The following PCDHAC1 variants were observed in gnomAD, a reference collection of about 807,000 sequenced individuals.
The protein encoded by PCDHAC1 is protocadherin alpha subfamily C, 1.
A neutral mutation model predicts 60.0 loss-of-function variants in PCDHAC1; 42 were observed. That is an observed-to-expected ratio of 0.70 (90% CI 0.55 to 0.90). The LOEUF is 0.90. Ranked by LOEUF, PCDHAC1 falls within the 40% of genes least tolerant of loss-of-function variation. The pLI, the probability that PCDHAC1 is intolerant of heterozygous loss-of-function variation, is 0.00. For missense variants in PCDHAC1, 1,160 were observed against 1,222.3 expected (o/e 0.95, Z 0.76); for synonymous variants, 468 against 499.3 (o/e 0.94, Z 0.84).
chr5:140,968,694 G>A, intron 1 of PCDHAC1: 1 of 1,614,092 alleles, frequency 6.2e-7, no homozygotes, highest in Non-Finnish European at 8.5e-7. Flanking sequence ...GGAGAAATTA[G>A]GACTACCAGG....
intron 1 of PCDHAC1, among the ~76,000 whole-genome samples, chr5:140,955,431 AG>A (rs1273972601): frequency 1.3e-5 from 2 of 152,194 alleles, no homozygotes; most frequent in East Asian, 3.9e-4. Flanking sequence ...AGTTCTCATT[AG>A]GTCTGATGGT....
Position 140,928,717 on chromosome 5 carries a change from T to C in PCDHAC1, c.1825T>C (p.Phe609Leu). The change falls in exon 1 of 4, where the codon TTT (phenylalanine) becomes CTT (leucine). Residue 609 changes from phenylalanine (F) to leucine (L), a missense_variant. This residue lies in a region of PCDHAC1 where 1,113 missense variants were observed against 1,163.7 expected (regional missense o/e 0.96). Coordinates refer to ENST00000253807, the MANE Select transcript of PCDHAC1 (RefSeq NM_018898.5). ...HISRASDSSL[F>L]RISANIGELR... ...CTCCCGGGCGTCTGACTCTAGTCTC[T>C]TTAGAATTTCAGCCAATATAGGTGA... The C allele has an allele frequency of 6.2e-7, 1 of 1,614,208 alleles. No individual in the cohort carries two copies. Among genetic ancestry groups the C allele is most frequent in the Non-Finnish European group, 8.5e-7 (1 of 1,180,040 alleles).
At chr5:140,978,922 C>A (rs569091265) in intron 1 of PCDHAC1, 27 bp from the exon 2 acceptor site, 7 of 1,613,966 alleles carry the variant, frequency 4.3e-6, no homozygotes, top group Non-Finnish European at 5.1e-6. Context: ...GTCATTTTAA[C>A]AGAAAACTCT....
intron 1 of PCDHAC1, among the ~76,000 whole-genome samples, chr5:140,970,662 C>T (rs575204326): frequency 6.6e-6 from 1 of 152,268 alleles, no homozygotes; most frequent in South Asian, 2.1e-4. Flanking sequence ...TGTTATCTTT[C>T]CAAATAACTA....
At chr5:141,000,389 CTCTCTCTATA>C (rs1363755181) in intron 3 of PCDHAC1, among the ~76,000 whole-genome samples, 150 of 62,510 alleles carry the variant, frequency 2.4e-3, no homozygotes, top group African/African-American at 5.3e-3. Context: ...CTCTCTCTCT[CTCTCTCTATA>C]TATATATATA....
At position 140,973,495 on chromosome 5, in the gene PCDHAC1, T is replaced by TA. The variant is rs148545809; in HGVS notation, c.2434-5454_2434-5453insA. Among the ~76,000 whole-genome samples, 585 of 152,336 alleles carry TA rather than the reference T, an allele frequency of 3.8e-3. 2 individuals are homozygous for TA. Among genetic ancestry groups the TA allele is most frequent in the African/African-American group, 0.013 (553 of 41,574 alleles). ...AATTTCATATTGGTCACAGGACTCTTCTTCTGAGAAAAAGTTTATTTTCTT... is the reference window on the plus strand; with the variant it reads ...AATTTCATATTGGTCACAGGACTCTTACTTCTGAGAAAAAGTTTATTTTCTT... On this transcript the variant is annotated intron_variant, in intron 1 of 3. Coordinates refer to ENST00000253807, the MANE Select transcript of PCDHAC1 (RefSeq NM_018898.5).
chr5:140,959,772 C>T (rs1554224331), intron 1 of PCDHAC1, among the ~76,000 whole-genome samples: 1 of 152,120 alleles, frequency 6.6e-6, no homozygotes, highest in East Asian at 1.9e-4. Flanking sequence ...TCAGTAAGAA[C>T]AGTGTATATT....
chr5:140,987,892 A>C (rs1383983251), intron 3 of PCDHAC1, among the ~76,000 whole-genome samples: 1 of 152,094 alleles, frequency 6.6e-6, no homozygotes, highest in Non-Finnish European at 1.5e-5. Flanking sequence ...TATGTGCCCT[A>C]GTTTTATATG....
chr5:140,941,181 G>C (rs2092747130), intron 1 of PCDHAC1, among the ~76,000 whole-genome samples: 1 of 114,608 alleles, frequency 8.7e-6, no homozygotes, highest in African/African-American at 3.2e-5. Flanking sequence ...TGAACATCCT[G>C]CTTCTTTTTT....
rs1208134482 is a variant in PCDHAC1, at chr5:140,928,133, T to C, written c.1241T>C (p.Leu414Pro). 2 of 1,614,090 alleles carry C rather than the reference T, an allele frequency of 1.2e-6. No homozygotes were observed. The highest frequency in any genetic ancestry group is 1.7e-6 in the Non-Finnish European group (2 of 1,180,050). The change falls in exon 1 of 4, where the codon CTG becomes CCG. Residue 414 changes from leucine (L) to proline (P), a missense_variant. Physicochemically the swap from Leu to Pro is moderately conservative, Grantham distance 98 (BLOSUM62 -3). This residue lies in a region of PCDHAC1 where 1,113 missense variants were observed against 1,163.7 expected (regional missense o/e 0.96). Transcript: ENST00000253807. ...GAGCAGATCAGTGAATACCAAGTCC[T>C]GATCACGGCCTCAGATAGTGGCTCA... is the stretch of plus-strand genomic sequence containing the variant. Reference protein sequence around the residue: ...DREQISEYQVLITASDSGSPP... With the variant: ...DREQISEYQVPITASDSGSPP...
chr5:140,997,133 C>A (rs1554255761), intron 3 of PCDHAC1, among the ~76,000 whole-genome samples: 3 of 152,090 alleles, frequency 2.0e-5, no homozygotes, highest in Non-Finnish European at 4.4e-5. Flanking sequence ...ACAATGCCCC[C>A]ACACCCCCGC....
At chr5:140,941,255 C>CTTTCTTTCTTTCTCTT (rs782490896) in intron 1 of PCDHAC1, among the ~76,000 whole-genome samples, 1 of 44,508 alleles carries the variant, frequency 2.2e-5, no homozygotes, top group East Asian at 7.5e-4. Context: ...TTCTTTCTTT[C>CTTTCTTTCTTTCTCTT]TCTTTCTTTC....
At position 140,926,888 on chromosome 5, in the gene PCDHAC1, G is replaced by A; in HGVS notation, c.-5G>A. ...GTTGGTGGAACGTGGACGCCTAGAG[G>A]GAGGATGGTGGGCTGTGGGGTGGCA... On this transcript the variant is annotated 5_prime_UTR_variant, in exon 1 of 4. Transcript: ENST00000253807. 1 of 1,544,494 alleles carries A rather than the reference G, an allele frequency of 6.5e-7. No individual in the cohort carries two copies. The highest frequency in any genetic ancestry group is 8.7e-7 in the Non-Finnish European group (1 of 1,143,772).
At chr5:140,961,345 C>T (rs1440791542) in intron 1 of PCDHAC1, among the ~76,000 whole-genome samples, 1 of 152,136 alleles carries the variant, frequency 6.6e-6, no homozygotes, top group Non-Finnish European at 1.5e-5. Context: ...AGAGTGGATC[C>T]CTGTAGTCCC....
At chr5:141,000,743 T>TA (rs527867626) in intron 3 of PCDHAC1, among the ~76,000 whole-genome samples, 4,963 of 145,376 alleles carry the variant, frequency 0.034, 280 homozygotes, top group African/African-American at 0.12. Flanking sequence ...CTCTGTATAT[T>TA]AAAAAAAAAA....
chr5:140,974,975 T>A (rs782637911), intron 1 of PCDHAC1, among the ~76,000 whole-genome samples: 1 of 152,222 alleles, frequency 6.6e-6, no homozygotes, highest in African/African-American at 2.4e-5. Context: ...GTGGCTGAGT[T>A]GTCCGCTCAG....
At chr5:140,997,481 A>G (rs1563624223) in intron 3 of PCDHAC1, among the ~76,000 whole-genome samples, 1 of 152,224 alleles carries the variant, frequency 6.6e-6, no homozygotes, top group Non-Finnish European at 1.5e-5. Flanking sequence ...ACACAATGAT[A>G]AGTATTTGTG....
chr5:140,966,652 G>C (rs556593659), intron 1 of PCDHAC1: 2 of 1,169,200 alleles, frequency 1.7e-6, no homozygotes, highest in Admixed American at 3.9e-5. Context: ...GAGCGTGAGC[G>C]GTGGGGGAGC....
intron 1 of PCDHAC1, chr5:140,967,272 T>A: frequency 1.2e-6 from 2 of 1,613,412 alleles, no homozygotes; most frequent in Non-Finnish European, 1.7e-6. Context: ...CGCTTTCACA[T>A]AGAGAGTGCG....
Sources: allele counts gnomAD v4.1 joint callset (sites outside exome capture counted in the v4.1 genomes callset), GRCh38; gene constraint gnomAD v4.1.1; regional missense constraint gnomAD v4.1.1; transcripts MANE v1.5; gene names NCBI Gene and HGNC (gene_info 2026-07-23, HGNC 2026-07-21).